Variants in SOCS7 observed in about 807,000 individuals in gnomAD.
SOCS7 encodes the protein suppressor of cytokine signaling 7.
SOCS7 carries 18 observed loss-of-function variants against 58.9 expected under a neutral mutation model. That is an observed-to-expected ratio of 0.31 (90% CI 0.21 to 0.45). SOCS7 has a LOEUF of 0.45. Ranked by LOEUF, SOCS7 falls within the 20% of genes least tolerant of loss-of-function variation. SOCS7 has a pLI of 1.00. For synonymous variants in SOCS7, 388 were observed against 364.3 expected, an observed-to-expected ratio of 1.06 and a Z score of -0.74; for missense variants, 667 against 837.3, an observed-to-expected ratio of 0.80 and a Z score of 2.51.
chr17:38,361,686 C>G (rs750755724), intron 1 of SOCS7, 25 bp from the exon 2 acceptor site: 1 of 1,592,518 alleles, frequency 6.3e-7, no homozygotes, highest in Non-Finnish European at 8.6e-7. Context: ...CCCCTCTATT[C>G]TCTCTCTGCT....
intron 1 of SOCS7, among the ~76,000 whole-genome samples, chr17:38,357,433 T>A (rs1222565732): frequency 6.6e-6 from 1 of 152,250 alleles, no homozygotes; most frequent in African/African-American, 2.4e-5. Context: ...TCTGTCCATT[T>A]GAGTCCTGTG....
intron 7 of SOCS7, among the ~76,000 whole-genome samples, chr17:38,378,741 AAGTT>A (rs2037963198): frequency 6.6e-6 from 1 of 152,068 alleles, no homozygotes; most frequent in Non-Finnish European, 1.5e-5. Context: ...CCTGCCCACT[AAGTT>A]AGGGAGGTGT....
chr17:38,353,145 CAG>C, intron 1 of SOCS7, 113 bp downstream of exon 1: 10 of 1,048,724 alleles, frequency 9.5e-6, no homozygotes, highest in Non-Finnish European at 1.3e-5. Flanking sequence ...CAGGAGGAGG[CAG>C]AGACTTGGGA....
chr17:38,372,422 A>G (rs919885985), intron 6 of SOCS7, among the ~76,000 whole-genome samples: 1 of 152,230 alleles, frequency 6.6e-6, no homozygotes. Flanking sequence ...ACTGTTACAT[A>G]CTGGGTGTAC....
rs894814353 is a variant in SOCS7, at chr17:38,382,362, G to A, written c.1681+4520G>A. ...CTGAGGTAGGAGGATCTCTTAGGCC[G>A]GGTAGGTCAAGGCTGCAGTGAGCTG... On this transcript the variant is annotated intron_variant, in intron 7 of 9. Transcript: ENST00000612932. Among the ~76,000 whole-genome samples, 9 of 150,454 alleles carry A rather than the reference G, an allele frequency of 6.0e-5. No individual in the cohort carries two copies. The Admixed American group carries it at 6.0e-4, about 10-fold the overall frequency.
intron 1 of SOCS7, among the ~76,000 whole-genome samples, chr17:38,357,609 G>A (rs770278816): frequency 6.6e-6 from 1 of 152,196 alleles, no homozygotes; most frequent in Non-Finnish European, 1.5e-5. Flanking sequence ...TCTGTGTATT[G>A]GAACTAAAAA....
At chr17:38,373,867 T>C (rs2037898168) in intron 6 of SOCS7, among the ~76,000 whole-genome samples, 1 of 152,194 alleles carries the variant, frequency 6.6e-6, no homozygotes, top group Non-Finnish European at 1.5e-5. Flanking sequence ...GGATTTTAAG[T>C]GCTGTGGAAG....
intron 7 of SOCS7, among the ~76,000 whole-genome samples, chr17:38,390,310 C>T (rs1198205178): frequency 6.6e-6 from 1 of 152,026 alleles, no homozygotes; most frequent in Non-Finnish European, 1.5e-5. Flanking sequence ...TGTCTTGATT[C>T]CTATAGTTTT....
chr17:38,392,847 A>T (rs2038189092), intron 7 of SOCS7, among the ~76,000 whole-genome samples: 1 of 152,136 alleles, frequency 6.6e-6, no homozygotes, highest in Non-Finnish European at 1.5e-5. Context: ...AGCTACCGAT[A>T]ATTCTTCCTT....
At chr17:38,387,131 A>ATATATATATATATATATG (rs1163854242) in intron 7 of SOCS7, among the ~76,000 whole-genome samples, 1 of 87,900 alleles carries the variant, frequency 1.1e-5, no homozygotes, top group African/African-American at 6.4e-5. Flanking sequence ...ATATATATGT[A>ATATATATATATATATATG]TGTATATATA....
intron 7 of SOCS7, among the ~76,000 whole-genome samples, chr17:38,388,084 AT>A (rs140355453): frequency 0.035 from 5,300 of 152,124 alleles, 308 homozygotes; most frequent in African/African-American, 0.12. Context: ...GGCCCACTTA[AT>A]GGCTTTTAAT....
At chr17:38,381,110 A>G (rs1275163365) in intron 7 of SOCS7, among the ~76,000 whole-genome samples, 1 of 152,120 alleles carries the variant, frequency 6.6e-6, no homozygotes, top group Non-Finnish European at 1.5e-5. Context: ...GAAACTACCT[A>G]AAGAAGGTAG....
Position 38,395,288 on chromosome 17 carries a change from C to A in SOCS7, c.1682-21C>A, listed in dbSNP as rs564738496. 3.1e-6 allele frequency: 5 copies of A among 1,612,760 alleles called. No individual in the cohort carries two copies. In the South Asian group the frequency reaches 4.4e-5, roughly 14 times the overall value. On this transcript the variant is annotated intron_variant, in intron 7 of 9. Coordinates refer to ENST00000612932, the MANE Select transcript of SOCS7 (RefSeq NM_014598.4). ...CTCCATTGTTTCCTCTGAATACTTT[C>A]CTTTGTTTTCTTTCTTGAAGGACTG...
intron 7 of SOCS7, among the ~76,000 whole-genome samples, chr17:38,392,642 G>A (rs2038186409): frequency 2.6e-5 from 4 of 152,216 alleles, no homozygotes; most frequent in Non-Finnish European, 5.9e-5. Context: ...GTGGGTAGAG[G>A]AGAGAAGTAG....
intron 7 of SOCS7, among the ~76,000 whole-genome samples, chr17:38,381,899 G>T (rs141846416): frequency 0.023 from 2,920 of 128,376 alleles, 33 homozygotes; most frequent in Non-Finnish European, 0.033. Flanking sequence ...CAGAATTGGA[G>T]ATTGCAGTGA....
chr17:38,384,454 G>A (rs563458116), intron 7 of SOCS7, among the ~76,000 whole-genome samples: 2 of 151,974 alleles, frequency 1.3e-5, no homozygotes, highest in East Asian at 3.9e-4. Flanking sequence ...CACCATGCTC[G>A]GCTAATTTTT....
intron 1 of SOCS7, among the ~76,000 whole-genome samples, chr17:38,354,396 C>G (rs769782483): frequency 7.2e-5 from 11 of 152,312 alleles, no homozygotes; most frequent in Non-Finnish European, 1.2e-4. Context: ...AACTGGGAAC[C>G]ACTCATCCAT....
chr17:38,392,106 A>AG, intron 7 of SOCS7, among the ~76,000 whole-genome samples: 1 of 152,202 alleles, frequency 6.6e-6, no homozygotes, highest in Non-Finnish European at 1.5e-5. Flanking sequence ...CACATTTTTA[A>AG]CTGCTTCTGT....
At chr17:38,393,016 G>GTT (rs112617828) in intron 7 of SOCS7, among the ~76,000 whole-genome samples, 3 of 147,150 alleles carry the variant, frequency 2.0e-5, no homozygotes, top group African/African-American at 7.4e-5. Context: ...TATTATTTTT[G>GTT]TTTTTTTTTT....
Sources: allele counts gnomAD v4.1 joint callset (sites outside exome capture counted in the v4.1 genomes callset), GRCh38; gene constraint gnomAD v4.1.1; transcripts MANE v1.5; gene names NCBI Gene and HGNC (gene_info 2026-07-23, HGNC 2026-07-21).